The following FBXL13 variants were observed in gnomAD, a reference collection of about 807,000 sequenced individuals.
FBXL13 encodes F-box and leucine rich repeat protein 13, also known as F-box and leucine-rich repeat protein 13.
FBXL13 carries 67 observed loss-of-function variants against 83.6 expected under a neutral mutation model. The observed-to-expected ratio is 0.80, with a 90% confidence interval of 0.66 to 0.98. The LOEUF (loss-of-function observed/expected upper bound fraction) is 0.98, where lower values mean the gene tolerates loss of function less well. FBXL13 is among the 50% of genes least tolerant of loss of function. FBXL13 has a pLI of 0.00. For missense variants in FBXL13, 822 were observed against 866.5 expected, an observed-to-expected ratio of 0.95 and a Z score of 0.64; for synonymous variants, 272 against 299.5, an observed-to-expected ratio of 0.91 and a Z score of 0.95.
intron 18 of FBXL13, among the ~76,000 whole-genome samples, chr7:102,827,531 A>T (rs1285971978): frequency 2.0e-5 from 3 of 149,368 alleles, no homozygotes; most frequent in East Asian, 3.9e-4. Context: ...CCCATTGATC[A>T]TTTTTTTTTT....
intron 6 of FBXL13, among the ~76,000 whole-genome samples, chr7:103,017,808 A>G (rs1367236783): frequency 6.6e-6 from 1 of 152,230 alleles, no homozygotes; most frequent in African/African-American, 2.4e-5. Flanking sequence ...CAAAGCCTCC[A>G]AGAAATATGG....
chr7:102,872,136 TA>T (rs1385900358), intron 16 of FBXL13, among the ~76,000 whole-genome samples: 1 of 152,222 alleles, frequency 6.6e-6, no homozygotes, highest in Non-Finnish European at 1.5e-5. Flanking sequence ...TGAACAAGGA[TA>T]CATTCACATG....
chr7:102,821,994 C>T, intron 19 of FBXL13, 46 bp downstream of exon 20: 1 of 1,588,614 alleles, frequency 6.3e-7, no homozygotes, highest in Non-Finnish European at 8.6e-7. Flanking sequence ...TATGTTTTCT[C>T]AGAAAGTAGT....
At chr7:102,914,757 G>T (rs1271188039) in intron 10 of FBXL13, among the ~76,000 whole-genome samples, 4 of 152,224 alleles carry the variant, frequency 2.6e-5, no homozygotes, top group Non-Finnish European at 5.9e-5. Flanking sequence ...GGTGGGCAGG[G>T]CCTGAAGGAG....
At chr7:103,057,003 G>A (rs1465550859) in intron 1 of FBXL13, among the ~76,000 whole-genome samples, 3 of 151,904 alleles carry the variant, frequency 2.0e-5, no homozygotes, top group Non-Finnish European at 2.9e-5. Context: ...TTTTTGATGG[G>A]ATTGCTTTTT....
At chr7:103,034,857 C>T (rs1053352706) in intron 2 of FBXL13, among the ~76,000 whole-genome samples, 1 of 152,178 alleles carries the variant, frequency 6.6e-6, no homozygotes, top group Non-Finnish European at 1.5e-5. Flanking sequence ...TAATGTGATA[C>T]AAAATATATT....
intron 18 of FBXL13, among the ~76,000 whole-genome samples, chr7:102,823,872 A>G (rs1373671347): frequency 6.6e-6 from 1 of 152,228 alleles, no homozygotes; most frequent in Admixed American, 6.5e-5. Context: ...AAGGTTAAAC[A>G]TTATAACTGA....
At chr7:102,916,462 T>C (rs1815886504) in intron 10 of FBXL13, among the ~76,000 whole-genome samples, 1 of 152,166 alleles carries the variant, frequency 6.6e-6, no homozygotes, top group African/African-American at 2.4e-5. Flanking sequence ...CTTTTCACAG[T>C]GGAACCTCAT....
exon 7 of FBXL13, chr7:102,968,091 A>G (rs1826189048): frequency 6.2e-7 from 1 of 1,613,430 alleles, no homozygotes; most frequent in African/African-American, 1.3e-5. Context: ...ATATTATCAC[A>G]TCTTTTAAAC....
chr7:103,007,319 TAAAG>T (rs1477500594), intron 6 of FBXL13, among the ~76,000 whole-genome samples: 1 of 150,686 alleles, frequency 6.6e-6, no homozygotes, highest in African/African-American at 2.4e-5. Flanking sequence ...AAGTCAATGA[TAAAG>T]AGAGAAATCT....
intron 2 of FBXL13, among the ~76,000 whole-genome samples, chr7:103,042,230 C>T (rs1384346215): frequency 1.3e-5 from 2 of 152,104 alleles, no homozygotes; most frequent in Non-Finnish European, 2.9e-5. Context: ...ACAATTGCTT[C>T]AAAGAGAATA....
rs1348048778 is a variant in FBXL13 at position 103,042,161 on chromosome 7, C to A, written c.1-12743G>T. 6.6e-5 allele frequency among the ~76,000 whole-genome samples: 10 copies of A among 152,270 alleles called. 1 individual carries two copies. In the South Asian group the frequency reaches 1.7e-3, roughly 25 times the overall value. The stretch of plus-strand genomic sequence containing the variant: ...AAAATCAATGTGCAAAAATCACAAG[C>A]ATTCCTATACACCAATAATAGACAA... On this transcript the variant is annotated intron_variant, in intron 2 of 19. Transcript: ENST00000313221.
intron 15 of FBXL13, among the ~76,000 whole-genome samples, chr7:102,877,807 T>C (rs1397268347): frequency 6.6e-6 from 1 of 152,222 alleles, no homozygotes; most frequent in African/African-American, 2.4e-5. Flanking sequence ...TTTCTGTAAT[T>C]TAGTTTCGTA....
At chr7:102,911,050 C>T (rs535339120) in intron 11 of FBXL13, among the ~76,000 whole-genome samples, 15 of 152,332 alleles carry the variant, frequency 9.8e-5, no homozygotes, top group Middle Eastern at 3.4e-3. Flanking sequence ...CATGAGCCAC[C>T]GCGCCCAGCC....
intron 11 of FBXL13, among the ~76,000 whole-genome samples, chr7:102,889,342 C>A (rs57368671): frequency 0.19 from 28,629 of 152,140 alleles, 2,939 homozygotes; most frequent in East Asian, 0.42. Context: ...AGAGCCAGGG[C>A]TAGAGGCCAC....
chr7:103,043,639 G>A (rs532095832), intron 2 of FBXL13, among the ~76,000 whole-genome samples: 3 of 152,274 alleles, frequency 2.0e-5, no homozygotes, highest in African/African-American at 7.2e-5. Flanking sequence ...AGCCTCCCAA[G>A]TAGCTGGGAT....
At chr7:103,053,706 C>T (rs1211367381) in intron 2 of FBXL13, among the ~76,000 whole-genome samples, 4 of 152,202 alleles carry the variant, frequency 2.6e-5, no homozygotes, top group African/African-American at 9.7e-5. Context: ...CCCTAGGCCT[C>T]TCCCTCAGCT....
intron 2 of FBXL13, among the ~76,000 whole-genome samples, chr7:103,046,024 A>G (rs1462078839): frequency 6.6e-6 from 1 of 152,230 alleles, no homozygotes; most frequent in Non-Finnish European, 1.5e-5. Flanking sequence ...CAGGGAGACT[A>G]TTATTATGAC....
intron 2 of FBXL13, 21 bp downstream of exon 3, chr7:103,055,067 T>G: frequency 4.1e-6 from 5 of 1,218,780 alleles, no homozygotes; most frequent in Non-Finnish European, 5.4e-6. Context: ...TATTTGCGTA[T>G]TCTTGATTAC....
Sources: allele counts gnomAD v4.1 joint callset (sites outside exome capture counted in the v4.1 genomes callset), GRCh38; gene constraint gnomAD v4.1.1; transcripts MANE v1.5; gene names NCBI Gene and HGNC (gene_info 2026-07-23, HGNC 2026-07-21).